The following MICAL3 variants were observed in gnomAD, a reference collection of about 807,000 sequenced individuals.
MICAL3 encodes the protein microtubule associated monooxygenase, calponin and LIM domain containing 3.
In MICAL3, 62 loss-of-function variants were observed where a neutral mutation model predicts 207.4. The observed-to-expected ratio is 0.30, with a 90% CI of 0.24 to 0.37. The LOEUF (loss-of-function observed/expected upper bound fraction) is 0.37, where lower values mean the gene tolerates loss of function less well. Ranked by LOEUF, MICAL3 falls within the 10% of genes least tolerant of loss-of-function variation. The pLI is 1.00. For missense variants in MICAL3, 2,368 were observed against 2,635.6 expected, an observed-to-expected ratio of 0.90 and a Z score of 2.22; for synonymous variants, 1,077 against 1,069.3, an observed-to-expected ratio of 1.01 and a Z score of -0.14.
At chr22:17,990,267 A>G (rs912931293) in intron 1 of MICAL3, among the ~76,000 whole-genome samples, 22 of 152,152 alleles carry the variant, frequency 1.4e-4, no homozygotes, top group Admixed American at 3.3e-4. Flanking sequence ...CTTGGAGGGC[A>G]CTGTTCATTC....
intron 1 of MICAL3, among the ~76,000 whole-genome samples, chr22:17,976,373 T>C (rs890749218): frequency 6.6e-6 from 1 of 151,960 alleles, no homozygotes; most frequent in African/African-American, 2.4e-5. Flanking sequence ...TTTTCTTGGC[T>C]TTTGCTTAAA....
intron 23 of MICAL3, among the ~76,000 whole-genome samples, chr22:17,822,722 G>C (rs925388611): frequency 1.3e-5 from 2 of 152,232 alleles, no homozygotes; most frequent in African/African-American, 4.8e-5. Context: ...AAAGCCACAG[G>C]TTGGCTCAGG....
intron 29 of MICAL3, among the ~76,000 whole-genome samples, chr22:17,791,977 G>C (rs529307228): frequency 6.6e-6 from 1 of 152,232 alleles, no homozygotes; most frequent in Admixed American, 6.5e-5. Context: ...GGGATGGAAG[G>C]AGGTGGCCAC....
At chr22:17,928,447 AG>A (rs55932731) in intron 1 of MICAL3, among the ~76,000 whole-genome samples, 44,645 of 145,432 alleles carry the variant, frequency 0.31, 7,582 homozygotes, top group African/African-American at 0.46. Context: ...TCAAAAAAAA[AG>A]AAAGAAAGAA....
At chr22:17,826,617 G>T in intron 22 of MICAL3, 1 of 538,358 alleles carries the variant, frequency 1.9e-6, no homozygotes, top group Non-Finnish European at 2.4e-6. Flanking sequence ...GAAAGAAAGT[G>T]AGAAGGCATT....
At chr22:17,791,963 C>T in intron 29 of MICAL3, among the ~76,000 whole-genome samples, 1 of 152,186 alleles carries the variant, frequency 6.6e-6, no homozygotes, top group East Asian at 1.9e-4. Context: ...ACTAGCAGCC[C>T]CTGGGGATGG....
intron 28 of MICAL3, among the ~76,000 whole-genome samples, chr22:17,810,277 A>C (rs571038736): frequency 1.6e-4 from 25 of 151,802 alleles, no homozygotes; most frequent in Middle Eastern, 3.4e-3. Flanking sequence ...GTTAGCCAGG[A>C]TGGTCTCAAT....
At chr22:17,954,770 G>A (rs181961905) in intron 1 of MICAL3, among the ~76,000 whole-genome samples, 19 of 149,620 alleles carry the variant, frequency 1.3e-4, no homozygotes, top group South Asian at 6.4e-4. Context: ...TTTTTGAGAC[G>A]GAATCTCGCT....
At chr22:17,951,266 A>G (rs1250381405) in intron 1 of MICAL3, among the ~76,000 whole-genome samples, 5 of 151,520 alleles carry the variant, frequency 3.3e-5, no homozygotes, top group African/African-American at 1.2e-4. Flanking sequence ...ATCAGGAGAC[A>G]GGGATCTGGA....
chr22:17,984,891 C>T (rs1376374016), intron 1 of MICAL3, among the ~76,000 whole-genome samples: 3 of 152,176 alleles, frequency 2.0e-5, no homozygotes, highest in Non-Finnish European at 4.4e-5. Context: ...GAAGCCACAA[C>T]TCAACCCCAG....
intron 29 of MICAL3, among the ~76,000 whole-genome samples, chr22:17,808,148 C>T (rs149576745): frequency 8.9e-4 from 136 of 152,380 alleles, no homozygotes; most frequent in African/African-American, 3.2e-3. Flanking sequence ...CGCAGCCGCG[C>T]AGGTTCCCTG....
At chr22:18,018,740 A>ATATCTATC (rs3083137) in intron 1 of MICAL3, among the ~76,000 whole-genome samples, 5 of 149,864 alleles carry the variant, frequency 3.3e-5, no homozygotes, top group Non-Finnish European at 7.4e-5. Flanking sequence ...AAAATAAAAA[A>ATATCTATC]TATCTATCTA....
At chr22:17,986,953 T>C (rs1418188198) in intron 1 of MICAL3, among the ~76,000 whole-genome samples, 2 of 152,098 alleles carry the variant, frequency 1.3e-5, no homozygotes, top group African/African-American at 4.8e-5. Flanking sequence ...GGAAGAATCA[T>C]TTTCGACTGG....
intron 20 of MICAL3, among the ~76,000 whole-genome samples, chr22:17,836,028 C>T (rs1923326211): frequency 6.6e-6 from 1 of 152,136 alleles, no homozygotes; most frequent in South Asian, 2.1e-4. Context: ...GAAGAGCGTC[C>T]AGCAAAATCC....
Position 17,968,256 on chromosome 22 carries a change from C to T in MICAL3, c.-75+56025G>A, listed in dbSNP as rs138189138. Among the ~76,000 whole-genome samples the T allele has an allele frequency of 5.1e-3, 775 of 152,140 alleles. 9 individuals carry two copies. The highest frequency in any genetic ancestry group is 7.9e-3 in the South Asian group (38 of 4,816). ...GGGAATCAGATAGCGTGCCCAGTGC[C>T]GAGCCCTGCCTCTGTGGAAGCGTTG... is the stretch of plus-strand genomic sequence containing the variant. On this transcript the variant is annotated intron_variant, in intron 1 of 31. Transcript: ENST00000441493.
At chr22:17,974,280 G>C (rs1188749199) in intron 1 of MICAL3, among the ~76,000 whole-genome samples, 1 of 152,248 alleles carries the variant, frequency 6.6e-6, no homozygotes, top group African/African-American at 2.4e-5. Flanking sequence ...GGGGACTGCT[G>C]TGAGAAGTAA....
At chr22:17,849,689 T>TGTGTG (rs1925076858) in intron 19 of MICAL3, among the ~76,000 whole-genome samples, 5 of 50,638 alleles carry the variant, frequency 9.9e-5, no homozygotes, top group Admixed American at 3.2e-4. Flanking sequence ...TGTGTGTGTA[T>TGTGTG]TTTTTTTTTT....
rs2061842888 is a variant in MICAL3, at chr22:17,793,206, T to C, written c.5651-1905A>G. Among the ~76,000 whole-genome samples the C allele has an allele frequency of 6.6e-6, 1 of 152,180 alleles. No individual in the cohort carries two copies. The highest frequency in any genetic ancestry group is 1.9e-4 in the East Asian group (1 of 5,186). ...TCACGGCCACACCCCCCACATGCCT[T>C]TCAACGACAATCTTATCACCACAAC... is the stretch of plus-strand genomic sequence containing the variant. On this transcript the variant is annotated intron_variant, in intron 29 of 31. Coordinates refer to ENST00000441493, the MANE Select transcript of MICAL3 (RefSeq NM_015241.3). This position sits in a 1 kb window ranked among gnomAD's most constrained non-coding sequence, Gnocchi z 4.1.
chr22:17,822,486 G>A (rs535975955), intron 23 of MICAL3, among the ~76,000 whole-genome samples: 2 of 152,326 alleles, frequency 1.3e-5, no homozygotes, highest in East Asian at 3.9e-4. Context: ...TGGAGGGCAG[G>A]CCTGGCCTCA....
Sources: allele counts gnomAD v4.1 joint callset (sites outside exome capture counted in the v4.1 genomes callset), GRCh38; gene constraint gnomAD v4.1.1; non-coding constraint Gnocchi (gnomAD v3.1); transcripts MANE v1.5; gene names NCBI Gene and HGNC (gene_info 2026-07-23, HGNC 2026-07-21).